Variants in MAN1C1 observed in about 807,000 individuals in gnomAD.
MAN1C1 encodes mannosyl-oligosaccharide 1,2-alpha-mannosidase IC.
MAN1C1 carries 49 observed loss-of-function variants against 71.5 expected under a neutral mutation model. That is an observed-to-expected ratio of 0.69 (90% confidence interval 0.54 to 0.87). The LOEUF (loss-of-function observed/expected upper bound fraction) is 0.87, where lower values mean the gene tolerates loss of function less well. Ranked by LOEUF, MAN1C1 falls within the 40% of genes least tolerant of loss-of-function variation. The probability of loss-of-function intolerance (pLI) is 0.00; values close to 1 mark genes in which losing one functional copy is unlikely to be tolerated. For synonymous variants in MAN1C1, 352 were observed against 343.7 expected (o/e 1.02, Z -0.27); for missense variants, 743 against 835.0 (o/e 0.89, Z 1.36).
intron 5 of MAN1C1, among the ~76,000 whole-genome samples, chr1:25,754,473 C>T (rs1372633766): frequency 6.6e-6 from 1 of 152,008 alleles, no homozygotes; most frequent in East Asian, 1.9e-4. Context: ...CGTCAACTGT[C>T]CTCCCCTGTA....
At chr1:25,733,128 A>C (rs2046932344) in intron 2 of MAN1C1, among the ~76,000 whole-genome samples, 1 of 152,194 alleles carries the variant, frequency 6.6e-6, no homozygotes, top group Admixed American at 6.5e-5. Flanking sequence ...ACTGGTAAAC[A>C]GCTACCCCCA....
At chr1:25,681,134 G>A (rs2046145804) in intron 1 of MAN1C1, among the ~76,000 whole-genome samples, 1 of 151,746 alleles carries the variant, frequency 6.6e-6, no homozygotes, top group Non-Finnish European at 1.5e-5. Context: ...GCTGAGGCAG[G>A]AGAATCGCTT....
intron 2 of MAN1C1, among the ~76,000 whole-genome samples, chr1:25,733,463 G>A (rs2046937893): frequency 6.6e-6 from 1 of 151,822 alleles, no homozygotes; most frequent in Non-Finnish European, 1.5e-5. Context: ...TCTGCCCGCC[G>A]TGCCCTTGGC....
In MAN1C1 at chr1:25,618,135, G is replaced by T; in HGVS notation, c.338G>T (p.Arg113Leu). ...RRRKGGLRRTRPTGPREEATA... is the reference protein window; with the variant it reads ...RRRKGGLRRTLPTGPREEATA... ...AGGAAAGGGGGGCTGCGGCGCACCCGCCCCACTGGACCCCGCGAGGAGGCC... is the reference window on the plus strand; with the variant it reads ...AGGAAAGGGGGGCTGCGGCGCACCCTCCCCACTGGACCCCGCGAGGAGGCC... Residue 113 changes from arginine (R) to leucine (L), a missense_variant, in exon 1 of 12, where the codon CGC becomes CTC. Coordinates refer to ENST00000374332, the MANE Select transcript of MAN1C1 (RefSeq NM_020379.4). 2 of 1,520,204 alleles carry T rather than the reference G, an allele frequency of 1.3e-6. No homozygotes were observed. Among genetic ancestry groups the T allele is most frequent in the South Asian group, 1.2e-5 (1 of 81,960 alleles). The allele number at this position is 1,520,204 out of a possible 1,614,324, so 94.2% of individuals were successfully genotyped here.
intron 1 of MAN1C1, among the ~76,000 whole-genome samples, chr1:25,624,647 T>C (rs2045266156): frequency 6.6e-6 from 1 of 152,232 alleles, no homozygotes; most frequent in South Asian, 2.1e-4. Flanking sequence ...TTATCTGGCA[T>C]CTTCTTGGGA....
intron 2 of MAN1C1, among the ~76,000 whole-genome samples, chr1:25,690,371 C>G (rs894136286): frequency 4.1e-5 from 6 of 146,062 alleles, no homozygotes; most frequent in African/African-American, 1.5e-4. Context: ...CAGCTCACTT[C>G]AGCCGCTGCC....
chr1:25,657,034 C>G (rs1031576084), intron 1 of MAN1C1, among the ~76,000 whole-genome samples: 24 of 152,136 alleles, frequency 1.6e-4, no homozygotes, highest in Non-Finnish European at 3.1e-4. Context: ...ACCGTGTTAG[C>G]CAGGATGGTC....
At position 25,746,847 on chromosome 1, in the gene MAN1C1, C is replaced by T; in HGVS notation, c.753+64C>T. The T allele has an allele frequency of 2.7e-6, 3 of 1,105,322 alleles. No homozygotes were observed. The highest frequency in any genetic ancestry group is 2.5e-5 in the East Asian group (1 of 40,158). The allele number at this position is 1,105,322 out of a possible 1,614,324, so 68.5% of individuals were successfully genotyped here. On this transcript the variant is annotated intron_variant, in intron 3 of 11. Coordinates refer to ENST00000374332, the MANE Select transcript of MAN1C1 (RefSeq NM_020379.4). This position sits in a 1 kb window ranked among gnomAD's most constrained non-coding sequence, Gnocchi z 4.0. ...CCAGAAGAGGCCCAACAGCCAGCTTCACCCTGTCATCTCTGAGACCCAGAG... is the reference window on the plus strand; with the variant it reads ...CCAGAAGAGGCCCAACAGCCAGCTTTACCCTGTCATCTCTGAGACCCAGAG...
intron 1 of MAN1C1, among the ~76,000 whole-genome samples, chr1:25,673,384 C>T (rs2046020969): frequency 6.6e-6 from 1 of 152,186 alleles, no homozygotes; most frequent in Admixed American, 6.5e-5. Context: ...CACAGACCAC[C>T]TGCATTCATA....
At position 25,624,257 on chromosome 1, in the gene MAN1C1, A is replaced by G. The variant is rs142068370; in HGVS notation, c.540+5920A>G. 7.2e-5 allele frequency among the ~76,000 whole-genome samples: 11 copies of G among 152,294 alleles called. No homozygotes were observed. In the East Asian group the frequency reaches 2.1e-3, roughly 29 times the overall value. ...CTCTGGGGGCTGGTCAGTAGCTCAG[A>G]CAGCAGGGTTTTGGATGTCCTAAAT... On this transcript the variant is annotated intron_variant, in intron 1 of 11. Coordinates refer to ENST00000374332, the MANE Select transcript of MAN1C1 (RefSeq NM_020379.4).
chr1:25,635,778 C>A (rs12402012), intron 1 of MAN1C1, among the ~76,000 whole-genome samples: 1 of 151,928 alleles, frequency 6.6e-6, no homozygotes, highest in African/African-American at 2.4e-5. Flanking sequence ...TGTGAGATCT[C>A]TGGTGGTATT....
chr1:25,658,793 T>A (rs1002271109), intron 1 of MAN1C1: 2 of 152,450 alleles, frequency 1.3e-5, no homozygotes, highest in African/African-American at 4.8e-5. Flanking sequence ...TTCTCTGAAG[T>A]TCCTCCCAGC....
intron 11 of MAN1C1, among the ~76,000 whole-genome samples, chr1:25,783,253 A>G (rs2047721205): frequency 6.6e-6 from 1 of 152,028 alleles, no homozygotes; most frequent in Non-Finnish European, 1.5e-5. Flanking sequence ...TAGAGTCACA[A>G]CCCCATGTTC....
chr1:25,750,234 C>T (rs1309375701), intron 4 of MAN1C1, among the ~76,000 whole-genome samples: 5 of 151,590 alleles, frequency 3.3e-5, no homozygotes, highest in East Asian at 1.9e-4. Context: ...CTCCTCCCTG[C>T]GAGAGAATTT....
chr1:25,768,936 T>C (rs1363270569), intron 7 of MAN1C1, among the ~76,000 whole-genome samples: 1 of 76,888 alleles, frequency 1.3e-5, no homozygotes, highest in East Asian at 4.4e-4. Context: ...CCTTACACAC[T>C]ACACACACAC....
At chr1:25,632,801 C>G (rs1299948868) in intron 1 of MAN1C1, among the ~76,000 whole-genome samples, 14 of 151,424 alleles carry the variant, frequency 9.2e-5, no homozygotes, top group East Asian at 1.9e-4. Flanking sequence ...TTTGAGGGTT[C>G]CTTTTGGAGT....
At chr1:25,694,225 T>G (rs1302211087) in intron 2 of MAN1C1, among the ~76,000 whole-genome samples, 2 of 152,090 alleles carry the variant, frequency 1.3e-5, no homozygotes, top group Non-Finnish European at 2.9e-5. Flanking sequence ...CAGAGTACAC[T>G]CCGAATCAGC....
intron 1 of MAN1C1, among the ~76,000 whole-genome samples, chr1:25,618,737 A>T (rs1485879637): frequency 6.6e-6 from 1 of 152,110 alleles, no homozygotes; most frequent in Non-Finnish European, 1.5e-5. Context: ...ACACAGAGCC[A>T]CTGGTCCCAT....
chr1:25,720,134 C>A (rs1051132934), intron 2 of MAN1C1, among the ~76,000 whole-genome samples: 2 of 152,068 alleles, frequency 1.3e-5, no homozygotes, highest in Admixed American at 1.3e-4. Flanking sequence ...TGTTAAACAT[C>A]TTTTCATGTG....
Sources: allele counts gnomAD v4.1 joint callset (sites outside exome capture counted in the v4.1 genomes callset), GRCh38; gene constraint gnomAD v4.1.1; non-coding constraint Gnocchi (gnomAD v3.1); transcripts MANE v1.5; gene names NCBI Gene and HGNC (gene_info 2026-07-23, HGNC 2026-07-21).